Variants in CHSY1 observed in about 807,000 individuals in gnomAD.
The protein encoded by CHSY1 is N-acetylgalactosaminyl-proteoglycan 3-beta-glucuronosyltransferase 1.
CHSY1 carries 13 observed loss-of-function variants against 59.8 expected under a neutral mutation model. That is an observed-to-expected ratio of 0.22 (90% CI 0.14 to 0.35). The LOEUF is 0.35. CHSY1 is among the 10% of genes least tolerant of loss of function. The pLI, the probability that CHSY1 is intolerant of heterozygous loss-of-function variation, is 1.00. For missense variants in CHSY1, 947 were observed against 1,030.6 expected, an observed-to-expected ratio of 0.92 and a Z score of 1.11; for synonymous variants, 459 against 401.2, an observed-to-expected ratio of 1.14 and a Z score of -1.72.
At chr15:101,202,798 T>C (rs2038587436) in intron 2 of CHSY1, among the ~76,000 whole-genome samples, 1 of 152,198 alleles carries the variant, frequency 6.6e-6, no homozygotes, top group Non-Finnish European at 1.5e-5. Flanking sequence ...GACTAAAAGA[T>C]TATAAAATGA....
At chr15:101,222,906 A>G (rs367543873) in intron 2 of CHSY1, among the ~76,000 whole-genome samples, 49 of 152,320 alleles carry the variant, frequency 3.2e-4, no homozygotes, top group East Asian at 3.1e-3. Context: ...CACAGTCAAG[A>G]GGAGGGAAAT....
chr15:101,187,625 AAGTT>A (rs1165426807), intron 2 of CHSY1: 9 of 152,222 alleles, frequency 5.9e-5, no homozygotes, highest in Admixed American at 2.0e-4. Flanking sequence ...ATAAAACAGA[AAGTT>A]AGAAGTACTG....
Position 101,214,676 on chromosome 15 carries a change from G to C in CHSY1, c.816+20406C>G, listed in dbSNP as rs59871155. 7.1e-3 allele frequency among the ~76,000 whole-genome samples: 1,022 copies of C among 143,032 alleles called. 7 individuals carry two copies. Among genetic ancestry groups the C allele is most frequent in the African/African-American group, 0.025 (936 of 38,122 alleles). 93.8% of individuals were successfully genotyped at this position (143,032 alleles called of 152,430 possible). A position where few individuals can be genotyped will look rare whatever the true frequency, so the allele number is the denominator to read the frequency against. ...CTCATGCATAGGTGGGAGGTGGCTG[G>C]ATCATGGAGGTGGATTTCTCATGCA... On this transcript the variant is annotated intron_variant, in intron 2 of 2. Coordinates refer to ENST00000254190, the MANE Select transcript of CHSY1 (RefSeq NM_014918.5).
chr15:101,238,869 G>A (rs577005358), intron 1 of CHSY1, among the ~76,000 whole-genome samples: 1 of 152,328 alleles, frequency 6.6e-6, no homozygotes, highest in African/African-American at 2.4e-5. Context: ...AATAAACGTA[G>A]AGATGTGGAA....
At chr15:101,192,207 C>A (rs1762022851) in intron 2 of CHSY1, among the ~76,000 whole-genome samples, 1 of 152,166 alleles carries the variant, frequency 6.6e-6, no homozygotes, top group South Asian at 2.1e-4. Flanking sequence ...TGAGTAATTG[C>A]CCTCTAAGTA....
At chr15:101,196,305 G>A (rs1483253123) in intron 2 of CHSY1, among the ~76,000 whole-genome samples, 1 of 150,980 alleles carries the variant, frequency 6.6e-6, no homozygotes, top group Non-Finnish European at 1.5e-5. Context: ...AGATCCATAA[G>A]TATAAATTAC....
At chr15:101,181,288 T>A (rs145867312) in intron 2 of CHSY1, among the ~76,000 whole-genome samples, 1 of 152,326 alleles carries the variant, frequency 6.6e-6, no homozygotes, top group East Asian at 1.9e-4. Flanking sequence ...CTGTCTGCTG[T>A]GAGATAAAAA....
At chr15:101,187,087 CTT>C (rs1301220343) in intron 2 of CHSY1, among the ~76,000 whole-genome samples, 1 of 152,226 alleles carries the variant, frequency 6.6e-6, no homozygotes, top group Non-Finnish European at 1.5e-5. Context: ...TCCTGTGAAA[CTT>C]AATCTCCAAC....
At chr15:101,247,888 C>T (rs189923214) in intron 1 of CHSY1, among the ~76,000 whole-genome samples, 83 of 152,058 alleles carry the variant, frequency 5.5e-4, no homozygotes, top group Non-Finnish European at 9.0e-4. Context: ...GCTTTTTTAG[C>T]CCCTTTCTGG....
intron 1 of CHSY1, among the ~76,000 whole-genome samples, chr15:101,249,937 T>G (rs1001637037): frequency 7.9e-5 from 12 of 152,196 alleles, no homozygotes; most frequent in African/African-American, 2.4e-4. Flanking sequence ...GGAATGGGGA[T>G]CAAGCCATTC....
At chr15:101,228,134 G>A (rs772345735) in intron 2 of CHSY1, among the ~76,000 whole-genome samples, 2 of 151,868 alleles carry the variant, frequency 1.3e-5, no homozygotes, top group Non-Finnish European at 2.9e-5. Context: ...TACAATATCT[G>A]AAATGAAAAT....
chr15:101,176,412 T>G lies in CHSY1; in HGVS notation c.*976A>C. 2.5e-6 allele frequency: 1 copy of G among 398,612 alleles called. No homozygotes were observed. The highest frequency in any genetic ancestry group is 4.4e-6 in the Non-Finnish European group (1 of 226,060). The allele number at this position is 398,612 out of a possible 1,614,324, so 24.7% of individuals were successfully genotyped here. A position where few individuals can be genotyped will look rare whatever the true frequency, so the allele number is the denominator to read the frequency against. On this transcript the variant is annotated 3_prime_UTR_variant, in exon 3 of 3. Transcript: ENST00000254190. ...TCTGTGTACATCAGATTTATTGTAA[T>G]AATTCATCTTTGTCATTCTAAACAT...
At chr15:101,219,196 CTA>C (rs2038764661) in intron 2 of CHSY1, among the ~76,000 whole-genome samples, 1 of 152,190 alleles carries the variant, frequency 6.6e-6, no homozygotes, top group Admixed American at 6.5e-5. Context: ...CCAAAAAAAT[CTA>C]TTTATTACAA....
intron 2 of CHSY1, among the ~76,000 whole-genome samples, chr15:101,191,662 C>T (rs899812957): frequency 1.1e-4 from 17 of 152,144 alleles, no homozygotes; most frequent in Non-Finnish European, 7.4e-5. Context: ...AGACTGTGCA[C>T]GTGTAGGGGC....
chr15:101,230,586 T>C (rs1422611685), intron 2 of CHSY1, among the ~76,000 whole-genome samples: 3 of 152,200 alleles, frequency 2.0e-5, no homozygotes, highest in Non-Finnish European at 4.4e-5. Context: ...CTTCTATTAT[T>C]AAAGTGAAAA....
intron 2 of CHSY1, among the ~76,000 whole-genome samples, chr15:101,222,439 G>C (rs745426177): frequency 6.6e-6 from 1 of 152,156 alleles, no homozygotes; most frequent in Non-Finnish European, 1.5e-5. Context: ...CATCCCACTT[G>C]ACTATGCTAC....
At chr15:101,222,280 C>T (rs1193933253) in intron 2 of CHSY1, among the ~76,000 whole-genome samples, 2 of 152,234 alleles carry the variant, frequency 1.3e-5, no homozygotes, top group Non-Finnish European at 2.9e-5. Flanking sequence ...CATCAGGATA[C>T]AGAGGCAGAG....
chr15:101,192,365 A>G (rs1253123422), intron 2 of CHSY1, among the ~76,000 whole-genome samples: 7 of 152,206 alleles, frequency 4.6e-5, no homozygotes, highest in Non-Finnish European at 1.0e-4. Context: ...ACAAGAGCTA[A>G]GAGAACACAC....
At chr15:101,208,758 C>T (rs1227272399) in intron 2 of CHSY1, among the ~76,000 whole-genome samples, 1 of 150,152 alleles carries the variant, frequency 6.7e-6, no homozygotes, top group Non-Finnish European at 1.5e-5. Context: ...CAAACAGCAG[C>T]CACTGGACAC....
Sources: gnomAD v4.1 joint callset for allele counts (sites outside exome capture counted in the v4.1 genomes callset) on GRCh38, gnomAD v4.1.1 for gene constraint, MANE v1.5 for transcripts, NCBI Gene and HGNC (gene_info 2026-07-23, HGNC 2026-07-21) for gene names.